Variants in GALNT18 observed in about 807,000 individuals in gnomAD.
The protein encoded by GALNT18 is GalNAc-transferase 18.
In GALNT18, 44 loss-of-function variants were observed where a neutral mutation model predicts 69.5. The observed-to-expected ratio is 0.63, with a 90% CI of 0.50 to 0.81. GALNT18 has a LOEUF of 0.81. Ranked by LOEUF, GALNT18 falls within the 40% of genes least tolerant of loss-of-function variation. The pLI is 0.00. For synonymous variants in GALNT18, 364 were observed against 318.2 expected (o/e 1.14, Z -1.53); for missense variants, 715 against 810.0 (o/e 0.88, Z 1.42).
chr11:11,275,999 T>C (rs1848937612), intron 10 of GALNT18, among the ~76,000 whole-genome samples: 1 of 152,228 alleles, frequency 6.6e-6, no homozygotes, highest in South Asian at 2.1e-4. Flanking sequence ...TTCTTAAGAT[T>C]GTCTTGGCTA....
intron 1 of GALNT18, among the ~76,000 whole-genome samples, chr11:11,569,653 G>A (rs1353716416): frequency 6.6e-6 from 1 of 152,170 alleles, no homozygotes; most frequent in Non-Finnish European, 1.5e-5. Flanking sequence ...TGGGCAAACT[G>A]TCCTTCCTGA....
Position 11,541,169 on chromosome 11 carries a change from A to G in GALNT18, c.235+80190T>C, listed in dbSNP as rs1590084351. ...TGGCTGCTGATGTTTCTCACTGCCCAACTCTGTACCTACAAGTTCTTTCAC... is the reference window on the plus strand; with the variant it reads ...TGGCTGCTGATGTTTCTCACTGCCCGACTCTGTACCTACAAGTTCTTTCAC... On this transcript the variant is annotated intron_variant, in intron 1 of 10. Coordinates refer to ENST00000227756, the MANE Select transcript of GALNT18 (RefSeq NM_198516.3). This position sits in a 1 kb window ranked among gnomAD's most constrained non-coding sequence, Gnocchi z 4.8. 6.6e-6 allele frequency among the ~76,000 whole-genome samples: 1 copy of G among 152,088 alleles called. No homozygotes were observed. The highest frequency in any genetic ancestry group is 2.4e-5 in the African/African-American group (1 of 41,414).
rs754130671 is a variant in GALNT18, at chr11:11,497,767, T to TATAC, written c.236-48832_236-48831insGTAT. ...CATATTTTCTATATATATATATATATACACACACACACACATACACACAAA... is the reference window on the plus strand; with the variant it reads ...CATATTTTCTATATATATATATATATATACACACACACACACACATACACACAAA... On this transcript the variant is annotated intron_variant, in intron 1 of 10. Transcript: ENST00000227756. This position sits in a 1 kb window ranked among gnomAD's most constrained non-coding sequence, Gnocchi z 4.2. Among the ~76,000 whole-genome samples, 151 of 144,824 alleles carry TATAC rather than the reference T, an allele frequency of 1.0e-3. 1 individual carries two copies. Among genetic ancestry groups the TATAC allele is most frequent in the South Asian group, 1.3e-3 (6 of 4,506 alleles).
At position 11,555,094 on chromosome 11, in the gene GALNT18, T is replaced by C. The variant is rs958585771; in HGVS notation, c.235+66265A>G. Among the ~76,000 whole-genome samples, 2 of 152,220 alleles carry C rather than the reference T, an allele frequency of 1.3e-5. No homozygotes were observed. Among genetic ancestry groups the C allele is most frequent in the Admixed American group, 1.3e-4 (2 of 15,286 alleles). On this transcript the variant is annotated intron_variant, in intron 1 of 10. Transcript: ENST00000227756. The surrounding 1 kb of genome is among the most constrained non-coding windows in gnomAD (Gnocchi z 4.7). ...TTCTGCCATTCTACAGTTGTGGAAA[T>C]TGACACTTAAAGAGGCTAAGAAATT... is the stretch of plus-strand genomic sequence containing the variant.
chr11:11,418,086 T>C (rs760434695), intron 3 of GALNT18, among the ~76,000 whole-genome samples: 1 of 152,220 alleles, frequency 6.6e-6, no homozygotes, highest in African/African-American at 2.4e-5. Flanking sequence ...CCATGCATTG[T>C]TTAAGGAAGA....
At chr11:11,448,467 G>A (rs1001782621) in intron 2 of GALNT18, among the ~76,000 whole-genome samples, 1 of 152,248 alleles carries the variant, frequency 6.6e-6, no homozygotes, top group South Asian at 2.1e-4. Context: ...TAACAGGAAT[G>A]TGAGATGATT....
rs1249884602 is a variant in GALNT18 at position 11,620,330 on chromosome 11, CGCGTGTGTGT to C, written c.235+1019_235+1028del. ...GTGTGGACGTGAGCGCGCGCGCGCG[CGCGTGTGTGT>C]GTGTGTGTGCACACCCGGCACCAGT... On this transcript the variant is annotated intron_variant, in intron 1 of 10. Coordinates refer to ENST00000227756, the MANE Select transcript of GALNT18 (RefSeq NM_198516.3). The surrounding 1 kb of genome is among the most constrained non-coding windows in gnomAD (Gnocchi z 6.9). Among the ~76,000 whole-genome samples, 1 of 130,846 alleles carries C rather than the reference CGCGTGTGTGT, an allele frequency of 7.6e-6. No individual in the cohort carries two copies. Among genetic ancestry groups the C allele is most frequent in the Non-Finnish European group, 1.8e-5 (1 of 56,888 alleles). The allele number at this position is 130,846 out of a possible 152,430, so 85.8% of individuals were successfully genotyped here.
At position 11,430,862 on chromosome 11, in the gene GALNT18, G is replaced by A. The variant is rs772743349; in HGVS notation, c.595+1759C>T. ...CTTCTTCAAGATGCCCTTTTCCCCCGCCAATATAATAAAGCATGACCAAAT... is the reference window on the plus strand; with the variant it reads ...CTTCTTCAAGATGCCCTTTTCCCCCACCAATATAATAAAGCATGACCAAAT... On this transcript the variant is annotated intron_variant, in intron 3 of 10. Transcript: ENST00000227756. This position sits in a 1 kb window ranked among gnomAD's most constrained non-coding sequence, Gnocchi z 4.9. Among the ~76,000 whole-genome samples, 7 of 151,856 alleles carry A rather than the reference G, an allele frequency of 4.6e-5. No individual in the cohort carries two copies. The highest frequency in any genetic ancestry group is 3.9e-4 in the East Asian group (2 of 5,180).
intron 10 of GALNT18, among the ~76,000 whole-genome samples, chr11:11,285,037 C>G (rs1282451113): frequency 6.7e-6 from 1 of 149,808 alleles, no homozygotes; most frequent in Non-Finnish European, 1.5e-5. Context: ...GTAACAGGAA[C>G]ATCAAGTGCA....
Position 11,494,354 on chromosome 11 carries a change from C to A in GALNT18, c.236-45418G>T, listed in dbSNP as rs1161843982. 6.6e-6 allele frequency among the ~76,000 whole-genome samples: 1 copy of A among 152,196 alleles called. No individual in the cohort carries two copies. The highest frequency in any genetic ancestry group is 1.9e-4 in the East Asian group (1 of 5,180). ...TAGGATCCCATGTGACCCTGAGAGC[C>A]TGCTTCCCCAGTCTATATTTGCCAG... On this transcript the variant is annotated intron_variant, in intron 1 of 10. Transcript: ENST00000227756. This position sits in a 1 kb window ranked among gnomAD's most constrained non-coding sequence, Gnocchi z 5.7.
At chr11:11,352,192 G>A in intron 6 of GALNT18, 1 of 1,613,814 alleles carries the variant, frequency 6.2e-7, no homozygotes, top group Non-Finnish European at 8.5e-7. Context: ...AGCCGTGACT[G>A]GTGGTCATAT....
intron 9 of GALNT18, among the ~76,000 whole-genome samples, chr11:11,324,263 A>C (rs542186401): frequency 1.2e-4 from 19 of 152,344 alleles, no homozygotes; most frequent in African/African-American, 4.1e-4. Context: ...TAAACTGAAC[A>C]TATTTCAACC....
At position 11,619,718 on chromosome 11, in the gene GALNT18, A is replaced by G. The variant is rs1453871126; in HGVS notation, c.235+1641T>C. 6.6e-6 allele frequency among the ~76,000 whole-genome samples: 1 copy of G among 152,206 alleles called. No individual in the cohort carries two copies. The highest frequency in any genetic ancestry group is 1.9e-4 in the East Asian group (1 of 5,196). ...AACATTCTGAATCACCCTGGGGGAA[A>G]CACTGTACTTCTATTGCTGATTAAT... On this transcript the variant is annotated intron_variant, in intron 1 of 10. Transcript: ENST00000227756. The surrounding 1 kb of genome is among the most constrained non-coding windows in gnomAD (Gnocchi z 4.9).
At chr11:11,585,801 GTTTTTTTT>G (rs57051547) in intron 1 of GALNT18, among the ~76,000 whole-genome samples, 1 of 115,896 alleles carries the variant, frequency 8.6e-6, no homozygotes, top group Admixed American at 9.0e-5. Context: ...TTCTCAATAA[GTTTTTTTT>G]TTTTTTTTTT....
At position 11,366,152 on chromosome 11, in the gene GALNT18, T is replaced by A. The variant is rs780908725; in HGVS notation, c.1092+6363A>T. On this transcript the variant is annotated intron_variant, in intron 6 of 10. Transcript: ENST00000227756. Reference sequence around the variant, plus strand: ...CTGTTTAGCCTCTCTTGGCTTTTGCTTGTTTTCTGAATCAGCTTCTTTGAA... The same window carrying A: ...CTGTTTAGCCTCTCTTGGCTTTTGCATGTTTTCTGAATCAGCTTCTTTGAA... 3.2e-4 allele frequency among the ~76,000 whole-genome samples: 48 copies of A among 152,212 alleles called. 1 individual carries two copies. The highest frequency in any genetic ancestry group is 2.8e-4 in the Non-Finnish European group (19 of 68,034).
chr11:11,274,295 GT>G (rs1339734743), intron 10 of GALNT18, among the ~76,000 whole-genome samples: 1 of 151,948 alleles, frequency 6.6e-6, no homozygotes, highest in African/African-American at 2.4e-5. Flanking sequence ...TTTTGTTTTT[GT>G]TTTTTTCTCA....
chr11:11,526,911 C>T (rs1857538452), intron 1 of GALNT18, among the ~76,000 whole-genome samples: 2 of 152,322 alleles, frequency 1.3e-5, no homozygotes, highest in South Asian at 2.1e-4. Context: ...CCACGCCACA[C>T]TCTAAGATGG....
chr11:11,270,965 A>G lies in GALNT18; in HGVS notation c.*179T>C. 1 of 528,370 alleles carries G rather than the reference A, an allele frequency of 1.9e-6. No individual in the cohort carries two copies. Among genetic ancestry groups the G allele is most frequent in the Non-Finnish European group, 3.3e-6 (1 of 299,470 alleles). The allele number at this position is 528,370 out of a possible 1,614,324, so 32.7% of individuals were successfully genotyped here. Reference sequence around the variant, plus strand: ...CAAAATAGTTTGATATCATACCATCACCTACCAATCAGCATCTTTCTATAA... The same window carrying G: ...CAAAATAGTTTGATATCATACCATCGCCTACCAATCAGCATCTTTCTATAA... On this transcript the variant is annotated 3_prime_UTR_variant, in exon 11 of 11. Coordinates refer to ENST00000227756, the MANE Select transcript of GALNT18 (RefSeq NM_198516.3).
chr11:11,390,170 G>A (rs556903861), intron 3 of GALNT18, among the ~76,000 whole-genome samples: 1 of 152,092 alleles, frequency 6.6e-6, no homozygotes, highest in Non-Finnish European at 1.5e-5. Context: ...CCCACCACCA[G>A]TTGTTCATGG....
Sources: allele counts gnomAD v4.1 joint callset (sites outside exome capture counted in the v4.1 genomes callset), GRCh38; gene constraint gnomAD v4.1.1; non-coding constraint Gnocchi (gnomAD v3.1); transcripts MANE v1.5; gene names NCBI Gene and HGNC (gene_info 2026-07-23, HGNC 2026-07-21).